DGKD: variants seen among roughly 807,000 people sequenced by gnomAD.
DGKD encodes the protein diacylglycerol kinase delta, also known as DAG kinase delta.
A neutral mutation model predicts 154.4 loss-of-function variants in DGKD; 68 were observed. The observed-to-expected ratio is 0.44, with a 90% CI of 0.36 to 0.54. The LOEUF is 0.54. Ranked by LOEUF, DGKD falls within the 20% of genes least tolerant of loss-of-function variation. DGKD has a pLI of 0.00. For missense variants in DGKD, 1,343 were observed against 1,593.6 expected, an observed-to-expected ratio of 0.84 and a Z score of 2.68; for synonymous variants, 693 against 638.0, an observed-to-expected ratio of 1.09 and a Z score of -1.30.
At chr2:233,388,428 A>G in intron 2 of DGKD, 61 bp downstream of exon 2, 1 of 1,508,772 alleles carries the variant, frequency 6.6e-7, no homozygotes, top group East Asian at 2.3e-5. Context: ...CAGGGGAGGA[A>G]CTGGGGGTGC....
Position 233,433,414 on chromosome 2 carries a change from A to G in DGKD, c.349-966A>G, listed in dbSNP as rs576197789. Among the ~76,000 whole-genome samples, 43 of 152,094 alleles carry G rather than the reference A, an allele frequency of 2.8e-4. 1 individual carries two copies. The Middle Eastern group carries it at 0.014, about 48-fold the overall frequency. Reference sequence around the variant, plus strand: ...AAAGAAAACAGTTGAACTAATGGAGATAGGCAGTAGATTGATGGTTACCAG... The same window carrying G: ...AAAGAAAACAGTTGAACTAATGGAGGTAGGCAGTAGATTGATGGTTACCAG... On this transcript the variant is annotated intron_variant, in intron 3 of 29. Coordinates refer to ENST00000264057, the MANE Select transcript of DGKD (RefSeq NM_152879.3).
At chr2:233,373,088 T>C (rs536110262) in intron 1 of DGKD, among the ~76,000 whole-genome samples, 1 of 152,310 alleles carries the variant, frequency 6.6e-6, no homozygotes, top group South Asian at 2.1e-4. Context: ...CCACTTCACC[T>C]TCACAACTTC....
intron 3 of DGKD, among the ~76,000 whole-genome samples, chr2:233,395,363 T>A (rs1703938108): frequency 6.6e-6 from 1 of 151,820 alleles, no homozygotes; most frequent in Non-Finnish European, 1.5e-5. Flanking sequence ...AGAGAAGGAG[T>A]TTCACCATGT....
intron 1 of DGKD, among the ~76,000 whole-genome samples, chr2:233,381,159 T>G (rs918877607): frequency 1.3e-5 from 2 of 152,146 alleles, no homozygotes; most frequent in African/African-American, 2.4e-5. Context: ...CCCGGTGCGC[T>G]CTCTCCTGCT....
intron 27 of DGKD, among the ~76,000 whole-genome samples, chr2:233,465,383 A>G (rs776079799): frequency 7.9e-5 from 12 of 152,190 alleles, no homozygotes; most frequent in Non-Finnish European, 1.5e-4. Flanking sequence ...AAGCATGTTA[A>G]ATTCCTCCTC....
Position 233,459,911 on chromosome 2 carries a change from G to C in DGKD, c.2829+20G>C, listed in dbSNP as rs751342236. ...GACAGGGTAAGAGCGGCTGCCCGCG[G>C]TACCTGGGTGGGGTACAGGGCTCAC... is the stretch of plus-strand genomic sequence containing the variant. On this transcript the variant is annotated intron_variant, in intron 23 of 29. Coordinates refer to ENST00000264057, the MANE Select transcript of DGKD (RefSeq NM_152879.3). The surrounding 1 kb of genome is among the most constrained non-coding windows in gnomAD (Gnocchi z 5.7). The C allele has an allele frequency of 1.2e-6, 2 of 1,610,974 alleles. No individual in the cohort carries two copies. Among genetic ancestry groups the C allele is most frequent in the African/African-American group, 1.3e-5 (1 of 74,852 alleles).
intron 12 of DGKD, chr2:233,447,788 T>G: frequency 2.6e-6 from 3 of 1,141,896 alleles, no homozygotes; most frequent in East Asian, 6.3e-5. Flanking sequence ...TCAGGATGAG[T>G]AGGGGTCAGG....
In DGKD at chr2:233,450,003, A is replaced by C. The variant is rs1194538235; in HGVS notation, c.1910A>C (p.Gln637Pro). Residue 637 changes from glutamine to proline, a missense_variant, in exon 16 of 30, where the codon CAG becomes CCG. Physicochemically the swap from Gln to Pro is moderately conservative, Grantham distance 76. This residue lies in a region of DGKD where 409 missense variants were observed against 446.0 expected (regional missense o/e 0.92). Transcript: ENST00000264057. The part of the protein sequence containing the change: ...TEKAVDEQNA[Q>P]TQEQEGFVLG... ...ACAGCTGTCGATGAGCAGAATGCCC[A>C]GACCCAGGAGCAGGAGGGCTTCGTC... 6.2e-7 allele frequency: 1 copy of C among 1,608,756 alleles called. No individual in the cohort carries two copies. The highest frequency in any genetic ancestry group is 8.5e-7 in the Non-Finnish European group (1 of 1,177,340).
At chr2:233,453,075 C>G (rs7602378) in intron 18 of DGKD, among the ~76,000 whole-genome samples, 5,407 of 152,280 alleles carry the variant, frequency 0.036, 331 homozygotes, top group African/African-American at 0.12. Context: ...ATAGTGAGCA[C>G]TGTCCCTAGA....
At position 233,464,127 on chromosome 2, in the gene DGKD, C is replaced by G. The variant is rs139621299; in HGVS notation, c.3187-37C>G. The G allele has an allele frequency of 6.3e-5, 102 of 1,612,832 alleles. No individual in the cohort carries two copies. The African/African-American group carries it at 1.1e-3, about 17-fold the overall frequency. ...GCCTCGCGCTGATCAGCAGTGCACA[C>G]TCTCCATTTCTCTCTCCCTCCCTCC... On this transcript the variant is annotated intron_variant, in intron 26 of 29. Coordinates refer to ENST00000264057, the MANE Select transcript of DGKD (RefSeq NM_152879.3).
chr2:233,433,302 A>G (rs1242642082), intron 3 of DGKD, among the ~76,000 whole-genome samples: 1 of 152,268 alleles, frequency 6.6e-6, no homozygotes, highest in Non-Finnish European at 1.5e-5. Flanking sequence ...TGGATGGAAC[A>G]GGAGGACCCT....
intron 17 of DGKD, 38 bp downstream of exon 17, chr2:233,451,088 T>C: frequency 6.3e-7 from 1 of 1,585,264 alleles, no homozygotes; most frequent in Non-Finnish European, 8.6e-7. Flanking sequence ...GTGGGGGCCC[T>C]AGCACAACAC....
intron 3 of DGKD, chr2:233,392,278 A>G (rs1208515787): frequency 3.9e-5 from 6 of 152,196 alleles, no homozygotes; most frequent in Middle Eastern, 6.8e-3. Context: ...ACCCGCCTGA[A>G]CCTTCCAAAG....
intron 3 of DGKD, among the ~76,000 whole-genome samples, chr2:233,395,464 C>G (rs185316707): frequency 1.0e-3 from 155 of 152,300 alleles, no homozygotes; most frequent in African/African-American, 3.5e-3. Flanking sequence ...GCCACCACAC[C>G]CAGCCATGCT....
Position 233,451,991 on chromosome 2 carries a change from T to TA in DGKD, c.2196dup (p.Pro733ThrfsTer12). The TA allele has an allele frequency of 6.2e-7, 1 of 1,614,076 alleles. No homozygotes were observed. Among genetic ancestry groups the TA allele is most frequent in the Non-Finnish European group, 8.5e-7 (1 of 1,179,930 alleles). ...GTCCGGGCTGGAATGTCTGGTTCCT[T>TA]ACCCGGTGGCTCAGTCATCAGTCGC... On this transcript the variant is annotated frameshift_variant, in exon 18 of 30. Coordinates refer to ENST00000264057, the MANE Select transcript of DGKD (RefSeq NM_152879.3). LOFTEE classifies it high-confidence loss of function.
intron 3 of DGKD, among the ~76,000 whole-genome samples, chr2:233,394,444 A>G (rs76247474): frequency 0.031 from 4,685 of 151,766 alleles, 236 homozygotes; most frequent in African/African-American, 0.11. Context: ...AGGTCTCGCT[A>G]TGTTGCTCAG....
chr2:233,370,108 C>G (rs1215300635), intron 1 of DGKD, among the ~76,000 whole-genome samples: 1 of 152,098 alleles, frequency 6.6e-6, no homozygotes, highest in African/African-American at 2.4e-5. Context: ...ACATGGAAAT[C>G]CCTTCCCCAT....
chr2:233,404,436 G>A (rs1458891604), intron 3 of DGKD, among the ~76,000 whole-genome samples: 1 of 152,196 alleles, frequency 6.6e-6, no homozygotes, highest in East Asian at 1.9e-4. Context: ...AGGAGAGGGT[G>A]CAGTTTGCCC....
chr2:233,410,208 AGAGGGGGATTGGCTTCCACCCCATTCTTT>A lies in DGKD; in HGVS notation c.348+19728_348+19756del, dbSNP rs530401895. On this transcript the variant is annotated intron_variant, in intron 3 of 29. Transcript: ENST00000264057. Reference sequence around the variant, plus strand: ...TAATTAGATGTTTGGAAAATAGTTAAGAGGGGGATTGGCTTCCACCCCATTCTTTGATTTTTTTTCTCTTTGAAGAAAGA... The same window carrying A: ...TAATTAGATGTTTGGAAAATAGTTAAGATTTTTTTTCTCTTTGAAGAAAGA... Among the ~76,000 whole-genome samples, 983 of 152,280 alleles carry A rather than the reference AGAGGGGGATTGGCTTCCACCCCATTCTTT, an allele frequency of 6.5e-3. 17 individuals carry two copies. Among genetic ancestry groups the A allele is most frequent in the African/African-American group, 0.023 (940 of 41,554 alleles).
Sources: allele counts gnomAD v4.1 joint callset (sites outside exome capture counted in the v4.1 genomes callset), GRCh38; gene constraint gnomAD v4.1.1; regional missense constraint gnomAD v4.1.1; non-coding constraint Gnocchi (gnomAD v3.1); transcripts MANE v1.5; gene names NCBI Gene and HGNC (gene_info 2026-07-23, HGNC 2026-07-21).